Variants in NHSL1 observed in about 807,000 individuals in gnomAD.
The protein encoded by NHSL1 is NHS-like protein 1.
Under a neutral mutation model 95.0 loss-of-function variants are expected in NHSL1, and 48 were observed. That is an observed-to-expected ratio of 0.51 (90% CI 0.40 to 0.64). The LOEUF (loss-of-function observed/expected upper bound fraction) is 0.64. Among genes scored for constraint, NHSL1 ranks in the 30% least tolerant of loss-of-function variants. NHSL1 has a pLI of 0.00. For synonymous variants in NHSL1, 783 were observed against 833.9 expected (o/e 0.94, Z 1.05); for missense variants, 1,971 against 2,077.7 (o/e 0.95, Z 1.00).
At chr6:138,561,589 G>A (rs1018901171) in intron 1 of NHSL1, among the ~76,000 whole-genome samples, 2 of 152,124 alleles carry the variant, frequency 1.3e-5, no homozygotes, top group East Asian at 3.9e-4. Flanking sequence ...TTTGGGAAAG[G>A]GTCTCTCCTC....
chr6:138,646,528 T>G (rs1020662824), intron 1 of NHSL1, among the ~76,000 whole-genome samples: 4 of 151,996 alleles, frequency 2.6e-5, no homozygotes, highest in Admixed American at 6.6e-5. Flanking sequence ...TATCAATACT[T>G]CATGGAAATG....
upstream of NHSL1, among the ~76,000 whole-genome samples, chr6:138,501,235 G>A (rs150995751): frequency 4.2e-3 from 644 of 152,230 alleles, 6 homozygotes; most frequent in East Asian, 0.033. Context: ...ATATAGATTC[G>A]TTCATCAGAA....
intron 1 of NHSL1, among the ~76,000 whole-genome samples, chr6:138,596,112 T>G (rs990762217): frequency 4.6e-5 from 7 of 152,208 alleles, no homozygotes; most frequent in Non-Finnish European, 1.0e-4. Context: ...ATGGTCTGAA[T>G]GCCTTCCAGT....
intron 1 of NHSL1, among the ~76,000 whole-genome samples, chr6:138,654,840 C>A (rs1246056891): frequency 6.6e-6 from 1 of 152,160 alleles, no homozygotes; most frequent in Non-Finnish European, 1.5e-5. Context: ...AGTTGCAGAA[C>A]AATACATACA....
intron 1 of NHSL1, among the ~76,000 whole-genome samples, chr6:138,636,291 A>G (rs1259467624): frequency 6.6e-6 from 1 of 152,192 alleles, no homozygotes; most frequent in African/African-American, 2.4e-5. Flanking sequence ...TGCCACATAC[A>G]ACAGACCCAT....
chr6:138,525,783 A>C (rs112363133), intron 1 of NHSL1, among the ~76,000 whole-genome samples: 3,378 of 152,162 alleles, frequency 0.022, 105 homozygotes, highest in African/African-American at 0.078. Context: ...GAAGGCTTTT[A>C]GAAAAAAGAA....
chr6:138,471,501 A>C (rs1458922699), intron 3 of NHSL1, among the ~76,000 whole-genome samples: 1 of 152,238 alleles, frequency 6.6e-6, no homozygotes, highest in Admixed American at 6.5e-5. Flanking sequence ...CATTATAGTA[A>C]GATACCGTCT....
chr6:138,670,433 GA>G (rs1291322288), intron 1 of NHSL1, among the ~76,000 whole-genome samples: 1 of 151,288 alleles, frequency 6.6e-6, no homozygotes, highest in Non-Finnish European at 1.5e-5. Context: ...TTGGGAGGCC[GA>G]GGCGGGCGGA....
At chr6:138,485,172 AC>A (rs972273042) in intron 2 of NHSL1, among the ~76,000 whole-genome samples, 13 of 152,306 alleles carry the variant, frequency 8.5e-5, no homozygotes, top group African/African-American at 3.1e-4. Context: ...CTAAGCCAAC[AC>A]GGGAGACTTC....
chr6:138,683,407 TC>T (rs1262267836), intron 1 of NHSL1, among the ~76,000 whole-genome samples: 1 of 152,186 alleles, frequency 6.6e-6, no homozygotes, highest in Non-Finnish European at 1.5e-5. Context: ...AACTCAGCCT[TC>T]AATGTCACCA....
chr6:138,459,027 T>G (rs1373796780), intron 3 of NHSL1, among the ~76,000 whole-genome samples: 2 of 152,092 alleles, frequency 1.3e-5, no homozygotes, highest in Non-Finnish European at 2.9e-5. Flanking sequence ...AAAAGAGTCT[T>G]GCTCTGTCAC....
At chr6:138,614,430 A>C (rs992150017) in intron 1 of NHSL1, among the ~76,000 whole-genome samples, 1 of 152,160 alleles carries the variant, frequency 6.6e-6, no homozygotes, top group African/African-American at 2.4e-5. Flanking sequence ...TGAGAAAAAT[A>C]AACATCCACA....
intron 1 of NHSL1, among the ~76,000 whole-genome samples, chr6:138,527,256 G>C (rs1781945437): frequency 2.8e-5 from 4 of 145,346 alleles, no homozygotes; most frequent in Admixed American, 6.9e-5. Flanking sequence ...ATTAAGTACA[G>C]AAGGGAAAAA....
At chr6:138,614,045 A>C (rs187322962) in intron 1 of NHSL1, among the ~76,000 whole-genome samples, 1 of 152,348 alleles carries the variant, frequency 6.6e-6, no homozygotes, top group Non-Finnish European at 1.5e-5. Flanking sequence ...ATTCTTCCTT[A>C]CTACCAATAA....
In NHSL1 at chr6:138,434,901, A is replaced by T. The variant is rs191036935; in HGVS notation, c.665-1221T>A. ...AAATGGCAGCACTGTGCTTGTATCAACCTCAAAGGAGATGGCACCCTGGAA... is the reference window on the plus strand; with the variant it reads ...AAATGGCAGCACTGTGCTTGTATCATCCTCAAAGGAGATGGCACCCTGGAA... On this transcript the variant is annotated intron_variant, in intron 5 of 7. Transcript: ENST00000343505. Among the ~76,000 whole-genome samples, 54 of 152,298 alleles carry T rather than the reference A, an allele frequency of 3.5e-4. 2 individuals carry two copies. In the East Asian group the frequency reaches 9.7e-3, roughly 27 times the overall value.
chr6:138,590,386 T>C (rs1192587419), intron 1 of NHSL1, among the ~76,000 whole-genome samples: 1 of 152,098 alleles, frequency 6.6e-6, no homozygotes, highest in Non-Finnish European at 1.5e-5. Context: ...AACTCAAAGA[T>C]AACCTCCCTT....
intron 7 of NHSL1, among the ~76,000 whole-genome samples, chr6:138,428,154 T>G (rs920645815): frequency 1.3e-5 from 2 of 152,176 alleles, no homozygotes; most frequent in African/African-American, 4.8e-5. Context: ...GAACCAAGTA[T>G]CGAGTACACA....
upstream of NHSL1, among the ~76,000 whole-genome samples, chr6:138,504,000 G>A (rs1400135061): frequency 1.3e-5 from 2 of 152,062 alleles, no homozygotes; most frequent in Non-Finnish European, 2.9e-5. Flanking sequence ...GGAGGCTGAG[G>A]CAGGAGGACT....
chr6:138,509,308 T>C (rs1781110147), intron 1 of NHSL1, among the ~76,000 whole-genome samples: 1 of 152,206 alleles, frequency 6.6e-6, no homozygotes, highest in Non-Finnish European at 1.5e-5. Flanking sequence ...CATTGTGGAA[T>C]GAAAAGTCAA....
Sources: gnomAD v4.1 joint callset for allele counts (sites outside exome capture counted in the v4.1 genomes callset) on GRCh38, gnomAD v4.1.1 for gene constraint, MANE v1.5 for transcripts, NCBI Gene and HGNC (gene_info 2026-07-23, HGNC 2026-07-21) for gene names.